The following CHL1 variants were observed in gnomAD, a reference collection of about 807,000 sequenced individuals.
The protein encoded by CHL1 is cell adhesion molecule L1 like, also known as neural cell adhesion molecule L1-like protein.
A neutral mutation model predicts 141.9 loss-of-function variants in CHL1; 96 were observed. The observed-to-expected ratio is 0.68, with a 90% CI of 0.57 to 0.80. CHL1 has a LOEUF of 0.80. Among genes scored for constraint, CHL1 ranks in the 30% least tolerant of loss-of-function variants. The pLI is 0.00. For missense variants in CHL1, 1,820 were observed against 1,457.2 expected (o/e 1.25, Z -4.05); for synonymous variants, 613 against 502.2 (o/e 1.22, Z -2.95).
At chr3:379,028 G>A (rs79205328) in intron 16 of CHL1, among the ~76,000 whole-genome samples, 4,075 of 152,234 alleles carry the variant, frequency 0.027, 186 homozygotes, top group African/African-American at 0.093. Flanking sequence ...CCTTAAAAGT[G>A]TTGGTTTTGC....
At chr3:271,981 G>A (rs1235053049) in intron 2 of CHL1, among the ~76,000 whole-genome samples, 1 of 152,082 alleles carries the variant, frequency 6.6e-6, no homozygotes, top group Non-Finnish European at 1.5e-5. Flanking sequence ...CTTTTGATAG[G>A]TGCTGACTGT....
chr3:206,090 G>T (rs1326803675), intron 1 of CHL1, among the ~76,000 whole-genome samples: 1 of 152,176 alleles, frequency 6.6e-6, no homozygotes, highest in African/African-American at 2.4e-5. Flanking sequence ...TTATCCATTT[G>T]TGGAAAAGTA....
intron 26 of CHL1, among the ~76,000 whole-genome samples, chr3:399,754 A>G (rs942588625): frequency 3.9e-5 from 6 of 152,342 alleles, no homozygotes; most frequent in African/African-American, 1.4e-4. Flanking sequence ...TAGGTCACAT[A>G]TATGCTTTAG....
intron 16 of CHL1, among the ~76,000 whole-genome samples, chr3:379,540 G>A (rs1021162762): frequency 2.6e-5 from 4 of 152,104 alleles, no homozygotes; most frequent in East Asian, 3.9e-4. Context: ...GGCTCCGTGC[G>A]CTTTGTCCCT....
chr3:349,437 G>C lies in CHL1; in HGVS notation c.927G>C (p.Lys309Asn), dbSNP rs1410807768. The C allele has an allele frequency of 1.2e-6, 2 of 1,613,842 alleles. No individual in the cohort carries two copies. Among genetic ancestry groups the C allele is most frequent in the Non-Finnish European group, 1.7e-6 (2 of 1,179,796 alleles). Residue 309 changes from lysine to asparagine, a missense_variant, in exon 10 of 28, where the codon AAG (lysine) becomes AAC (asparagine). By Grantham distance (94) the Lys-to-Asn change is moderately conservative. Coordinates refer to ENST00000256509, the MANE Select transcript of CHL1 (RefSeq NM_006614.4). Reference sequence around the variant, plus strand: ...GAGAAACAAAAGAAAATTATGGCAAGACTTTGAAGATAGAGAATGTCTCCT... The same window carrying C: ...GAGAAACAAAAGAAAATTATGGCAACACTTTGAAGATAGAGAATGTCTCCT... ...KGRETKENYG[K>N]TLKIENVSYQ... is the part of the protein sequence containing the mutation.
intron 2 of CHL1, among the ~76,000 whole-genome samples, chr3:297,131 T>C (rs9880369): frequency 0.033 from 4,947 of 151,732 alleles, 286 homozygotes; most frequent in African/African-American, 0.11. Flanking sequence ...GAGGCAGAGG[T>C]GGGAGGATTG....
chr3:242,395 G>A (rs571697149), intron 1 of CHL1, among the ~76,000 whole-genome samples: 2 of 141,666 alleles, frequency 1.4e-5, no homozygotes, highest in East Asian at 2.2e-4. Context: ...AGGAGATCGA[G>A]ACCATCCTGG....
At chr3:270,009 C>G (rs1017092301) in intron 2 of CHL1, among the ~76,000 whole-genome samples, 30 of 152,098 alleles carry the variant, frequency 2.0e-4, no homozygotes, top group African/African-American at 7.2e-4. Flanking sequence ...GTAGAGGGGC[C>G]AGGCTAGAAG....
intron 23 of CHL1, among the ~76,000 whole-genome samples, chr3:392,061 G>C (rs186290827): frequency 4.3e-4 from 65 of 152,226 alleles, no homozygotes; most frequent in African/African-American, 1.4e-3. Context: ...GAGTGGCAAA[G>C]TTGAGTCATC....
chr3:354,560 A>C lies in CHL1; in HGVS notation c.1034-80A>C, dbSNP rs367646664. The C allele has an allele frequency of 9.6e-5, 142 of 1,482,508 alleles. 1 individual carries two copies. In the East Asian group the frequency reaches 2.1e-3, roughly 22 times the overall value. The allele number at this position is 1,482,508 out of a possible 1,614,324, so 91.8% of individuals were successfully genotyped here. On this transcript the variant is annotated intron_variant, in intron 10 of 27. Transcript: ENST00000256509. ...GTGGTGTCTGCCCTCTGCTGGTGCA[A>C]AGTAGAAATACAGGCCTTAACATTT... is the stretch of plus-strand genomic sequence containing the variant.
chr3:223,031 C>T (rs1188984081), intron 1 of CHL1, among the ~76,000 whole-genome samples: 1 of 152,202 alleles, frequency 6.6e-6, no homozygotes, highest in Non-Finnish European at 1.5e-5. Context: ...GGCCCACCCA[C>T]ATAATCCAGG....
chr3:273,905 A>G (rs1335324536), intron 2 of CHL1, among the ~76,000 whole-genome samples: 1 of 152,196 alleles, frequency 6.6e-6, no homozygotes, highest in Non-Finnish European at 1.5e-5. Context: ...TACAAATTTG[A>G]CCACGCCATA....
chr3:226,614 T>C (rs913664222), intron 1 of CHL1, among the ~76,000 whole-genome samples: 1 of 151,716 alleles, frequency 6.6e-6, no homozygotes, highest in African/African-American at 2.4e-5. Context: ...GCCCAGCTAA[T>C]TCTTGTATTT....
At chr3:344,513 T>G (rs1702598701) in intron 8 of CHL1, 76 bp from the exon 9 acceptor site, 10 of 1,146,242 alleles carry the variant, frequency 8.7e-6, no homozygotes, top group Non-Finnish European at 1.3e-5. Flanking sequence ...TTTTTTGTTT[T>G]AAGAAAGATG....
intron 2 of CHL1, among the ~76,000 whole-genome samples, chr3:245,490 C>T (rs942496588): frequency 3.9e-5 from 6 of 151,912 alleles, no homozygotes; most frequent in South Asian, 4.1e-4. Context: ...ATTAGTATCA[C>T]GACTAGTTTT....
intron 1 of CHL1, among the ~76,000 whole-genome samples, chr3:234,786 C>T (rs1029112880): frequency 7.2e-5 from 11 of 152,052 alleles, no homozygotes; most frequent in Admixed American, 3.3e-4. Flanking sequence ...CATGGGTGTG[C>T]CTTGAGTGCA....
chr3:242,544 C>T (rs182398526), intron 1 of CHL1, among the ~76,000 whole-genome samples: 14 of 151,872 alleles, frequency 9.2e-5, no homozygotes, highest in South Asian at 2.1e-4. Context: ...TGCAGTGAGC[C>T]GAGATTGTGC....
chr3:337,810 G>T lies in CHL1; in HGVS notation c.386-2984G>T, dbSNP rs542404979. Among the ~76,000 whole-genome samples, 12 of 152,154 alleles carry T rather than the reference G, an allele frequency of 7.9e-5. No homozygotes were observed. The East Asian group carries it at 2.3e-3, about 29-fold the overall frequency. Reference sequence around the variant, plus strand: ...GGGTTGGTTGCAGGTCTTTACTATTGTGAATAGTGACACAATAAACATATG... The same window carrying T: ...GGGTTGGTTGCAGGTCTTTACTATTTTGAATAGTGACACAATAAACATATG... On this transcript the variant is annotated intron_variant, in intron 5 of 27. Transcript: ENST00000256509.
At chr3:249,627 C>T (rs532904434) in intron 2 of CHL1, among the ~76,000 whole-genome samples, 1 of 152,240 alleles carries the variant, frequency 6.6e-6, no homozygotes, top group South Asian at 2.1e-4. Context: ...GCAGTTGCTT[C>T]CCTTTATTTG....
Sources: allele counts gnomAD v4.1 joint callset (sites outside exome capture counted in the v4.1 genomes callset), GRCh38; gene constraint gnomAD v4.1.1; transcripts MANE v1.5; gene names NCBI Gene and HGNC (gene_info 2026-07-23, HGNC 2026-07-21).